The following SPMIP11 variants were observed in gnomAD, a reference collection of about 807,000 sequenced individuals.
The protein encoded by SPMIP11 is sperm microtubule inner protein 11, also known as long intergenic non-protein coding RNA 935.
At chr12:48,733,637 G>A in the SPMIP11 span, among the ~76,000 whole-genome samples, 3 of 151,830 alleles carry the variant, frequency 2.0e-5, no homozygotes, top group Admixed American at 1.3e-4. Flanking sequence ...GTTACTGCTT[G>A]GAAAAAATAT....
the SPMIP11 span, among the ~76,000 whole-genome samples, chr12:48,742,626 G>A: frequency 2.0e-5 from 3 of 152,042 alleles, no homozygotes; most frequent in South Asian, 2.1e-4. Flanking sequence ...GCTCACACCT[G>A]TAATCTCAGC....
the SPMIP11 span, chr12:48,765,746 GGGA>G: frequency 5.8e-6 from 4 of 695,290 alleles, no homozygotes; most frequent in African/African-American, 1.8e-5. Context: ...GCTGACTAAT[GGGA>G]GGAGGAGATG....
chr12:48,765,678 A>T, the SPMIP11 span: 2 of 702,860 alleles, frequency 2.8e-6, no homozygotes, highest in Admixed American at 4.0e-5. Flanking sequence ...GCAGAAAGAC[A>T]AGATGAATTG....
the SPMIP11 span, among the ~76,000 whole-genome samples, chr12:48,735,843 C>A: frequency 1.3e-5 from 2 of 152,032 alleles, no homozygotes; most frequent in Non-Finnish European, 2.9e-5. Flanking sequence ...AAGATCATGC[C>A]ATTGCACTCC....
the SPMIP11 span, among the ~76,000 whole-genome samples, chr12:48,731,533 T>C: frequency 6.6e-6 from 1 of 152,102 alleles, no homozygotes; most frequent in South Asian, 2.1e-4. Flanking sequence ...AGCAAGTGGT[T>C]CTTAGGAGCT....
chr12:48,764,614 G>C, the SPMIP11 span, among the ~76,000 whole-genome samples: 151 of 152,294 alleles, frequency 9.9e-4, no homozygotes, highest in African/African-American at 3.3e-3. Flanking sequence ...AGCTCTCTTG[G>C]AGATGGGCTT....
the SPMIP11 span, among the ~76,000 whole-genome samples, chr12:48,747,729 C>T: frequency 1.3e-5 from 2 of 152,214 alleles, no homozygotes; most frequent in Non-Finnish European, 2.9e-5. Context: ...CTGAAAATTA[C>T]ATTCAATGGT....
the SPMIP11 span, among the ~76,000 whole-genome samples, chr12:48,736,439 T>C: frequency 3.2e-4 from 47 of 148,816 alleles, no homozygotes; most frequent in African/African-American, 1.1e-3. Flanking sequence ...AAAAAAAGAA[T>C]TGCCATCATG....
chr12:48,756,326 G>A, the SPMIP11 span, among the ~76,000 whole-genome samples: 2 of 152,172 alleles, frequency 1.3e-5, no homozygotes, highest in African/African-American at 4.8e-5. Flanking sequence ...CCATGGTTCA[G>A]TCCAGGCTTC....
At chr12:48,760,746 C>T in the SPMIP11 span, among the ~76,000 whole-genome samples, 4 of 152,036 alleles carry the variant, frequency 2.6e-5, no homozygotes, top group South Asian at 2.1e-4. Context: ...AGGCTGGTCT[C>T]GAACTCCTGA....
At chr12:48,765,817 T>C in the SPMIP11 span, 2 of 626,066 alleles carry the variant, frequency 3.2e-6, no homozygotes, top group African/African-American at 1.8e-5. Context: ...GGGGGAGCTG[T>C]GGGGTCAGGA....
the SPMIP11 span, chr12:48,768,614 G>A: frequency 1.9e-6 from 3 of 1,613,996 alleles, no homozygotes; most frequent in Non-Finnish European, 2.5e-6. Context: ...CCCCCATTGA[G>A]GAAGTAGGTG....
the SPMIP11 span, among the ~76,000 whole-genome samples, chr12:48,764,446 T>C: frequency 7.1e-4 from 108 of 152,240 alleles, 1 homozygote; most frequent in Middle Eastern, 0.017. Flanking sequence ...GAGAATTACT[T>C]GGAGTGAGCA....
chr12:48,729,223 A>T, the SPMIP11 span, among the ~76,000 whole-genome samples: 2 of 151,954 alleles, frequency 1.3e-5, no homozygotes, highest in Non-Finnish European at 2.9e-5. Flanking sequence ...AACATGGTGA[A>T]ACCCCATCTC....
chr12:48,758,211 T>C, the SPMIP11 span, among the ~76,000 whole-genome samples: 1 of 152,048 alleles, frequency 6.6e-6, no homozygotes, highest in African/African-American at 2.4e-5. Context: ...AAGAAAATGT[T>C]GGGAAGCACG....
the SPMIP11 span, among the ~76,000 whole-genome samples, chr12:48,761,084 T>C: frequency 2.6e-5 from 4 of 152,136 alleles, no homozygotes; most frequent in Non-Finnish European, 5.9e-5. Context: ...TTTAGCACTA[T>C]TGTCAAGAGA....
At chr12:48,729,685 G>GGCAACAGA in the SPMIP11 span, among the ~76,000 whole-genome samples, 1 of 148,688 alleles carries the variant, frequency 6.7e-6, no homozygotes, top group Non-Finnish European at 1.5e-5. Flanking sequence ...ACTTCAGCCT[G>GGCAACAGA]GCAACAGAGC....
the SPMIP11 span, chr12:48,770,888 G>A: frequency 2.5e-6 from 4 of 1,614,110 alleles, no homozygotes; most frequent in Non-Finnish European, 3.4e-6. Context: ...GTAGGTGCTG[G>A]CGTTCAGCCC....
At chr12:48,760,769 C>T in the SPMIP11 span, among the ~76,000 whole-genome samples, 1 of 152,088 alleles carries the variant, frequency 6.6e-6, no homozygotes. Context: ...TCAGGTGATC[C>T]ATCTCCCTCG....
Sources: gnomAD v4.1 joint callset for allele counts (sites outside exome capture counted in the v4.1 genomes callset) on GRCh38, gnomAD v4.1.1 for gene constraint, MANE v1.5 for transcripts, NCBI Gene and HGNC (gene_info 2026-07-23, HGNC 2026-07-21) for gene names.